The following CDS2 variants were observed in gnomAD, a reference collection of about 807,000 sequenced individuals.
CDS2 encodes phosphatidate cytidylyltransferase 2.
In CDS2, 47 loss-of-function variants were observed where a neutral mutation model predicts 59.0. That is an observed-to-expected ratio of 0.80 (90% CI 0.63 to 1.02). CDS2 has a LOEUF of 1.02. Among genes scored for constraint, CDS2 ranks in the 50% least tolerant of loss-of-function variants. The pLI is 0.00. For missense variants in CDS2, 356 were observed against 558.9 expected, an observed-to-expected ratio of 0.64 and a Z score of 3.66; for synonymous variants, 207 against 206.4, an observed-to-expected ratio of 1.00 and a Z score of -0.02.
At position 5,191,243 on chromosome 20, in the gene CDS2, C is replaced by T. The variant is rs552999815; in HGVS notation, c.*1009C>T. Reference sequence around the variant, plus strand: ...TACAGTGATTTCAATTGCACCATGACTTCTTCACTAAAACCACAAAGTCCT... The same window carrying T: ...TACAGTGATTTCAATTGCACCATGATTTCTTCACTAAAACCACAAAGTCCT... On this transcript the variant is annotated 3_prime_UTR_variant, in exon 13 of 13. Transcript: ENST00000460006. The T allele has an allele frequency of 3.3e-5, 5 of 152,514 alleles. No homozygotes were observed. Among genetic ancestry groups the T allele is most frequent in the Non-Finnish European group, 7.3e-5 (5 of 68,044 alleles). The allele number at this position is 152,514 out of a possible 1,614,324, so 9.4% of individuals were successfully genotyped here.
chr20:5,141,709 G>C (rs1234278496), intron 1 of CDS2, among the ~76,000 whole-genome samples: 2 of 152,124 alleles, frequency 1.3e-5, no homozygotes, highest in Admixed American at 6.5e-5. Flanking sequence ...GGAAAAGAGG[G>C]GGTGGTCATG....
intron 1 of CDS2, among the ~76,000 whole-genome samples, chr20:5,152,752 C>T (rs576889705): frequency 4.4e-4 from 67 of 152,280 alleles, no homozygotes; most frequent in Non-Finnish European, 8.4e-4. Flanking sequence ...CTCACACACA[C>T]GCACACACAC....
At chr20:5,189,945 A>G (rs2091100317) in intron 12 of CDS2, 107 bp downstream of exon 12, 1 of 1,322,266 alleles carries the variant, frequency 7.6e-7, no homozygotes, top group Non-Finnish European at 1.1e-6. Flanking sequence ...CAAATAATGC[A>G]GTTTTCAGTT....
intron 1 of CDS2, among the ~76,000 whole-genome samples, chr20:5,170,114 C>T (rs576652716): frequency 1.1e-4 from 17 of 152,166 alleles, no homozygotes; most frequent in Non-Finnish European, 2.1e-4. Context: ...GGGATTCCTT[C>T]GCCGCTGAAG....
In CDS2 at chr20:5,185,812, G is replaced by A. The variant is rs1369206983; in HGVS notation, c.814G>A (p.Val272Met). The A allele has an allele frequency of 6.2e-7, 1 of 1,614,114 alleles. No homozygotes were observed. The highest frequency in any genetic ancestry group is 1.3e-5 in the African/African-American group (1 of 74,952). Residue 272 changes from valine (V) to methionine (M), a missense_variant, in exon 9 of 13, where the codon GTG (valine) becomes ATG (methionine). Val to Met is a conservative substitution (Grantham distance 21, BLOSUM62 1). Around this residue, in one of 5 missense-constraint regions of CDS2, gnomAD observed 88 missense variants for 103.6 expected, o/e 0.85. Coordinates refer to ENST00000460006, the MANE Select transcript of CDS2 (RefSeq NM_003818.4). ...GFIGGFFATVVFGLLLSYVMS... is the reference protein window; with the variant it reads ...GFIGGFFATVMFGLLLSYVMS... ...CATTGGGGGCTTCTTTGCTACTGTG[G>A]TGTTTGGCCTTCTGGTAGGTGGTGG...
intron 2 of CDS2, among the ~76,000 whole-genome samples, chr20:5,174,886 A>T (rs2090983213): frequency 6.6e-6 from 1 of 152,224 alleles, no homozygotes; most frequent in African/African-American, 2.4e-5. Flanking sequence ...CCAAGTGGAT[A>T]CAGAAGCAGA....
chr20:5,179,823 C>G (rs16990713), intron 5 of CDS2, among the ~76,000 whole-genome samples: 17,413 of 152,190 alleles, frequency 0.11, 1,111 homozygotes, highest in Middle Eastern at 0.18. Flanking sequence ...AGTATACATT[C>G]AGGTAAGGCC....
intron 1 of CDS2, among the ~76,000 whole-genome samples, chr20:5,132,129 G>A (rs1173528147): frequency 6.7e-6 from 1 of 149,710 alleles, no homozygotes; most frequent in Admixed American, 6.7e-5. Flanking sequence ...ATGGAGTCTC[G>A]CTGTGCCACC....
rs141844692 is a variant in CDS2 at position 5,148,712 on chromosome 20, G to C, written c.57+21563G>C. Reference sequence around the variant, plus strand: ...GAGTAGAATCTCCCCCTACAATGCGGTTTGCACCGTGGTTGGGTCAATATC... The same window carrying C: ...GAGTAGAATCTCCCCCTACAATGCGCTTTGCACCGTGGTTGGGTCAATATC... On this transcript the variant is annotated intron_variant, in intron 1 of 12. Transcript: ENST00000460006. 2.2e-3 allele frequency among the ~76,000 whole-genome samples: 330 copies of C among 152,348 alleles called. 2 individuals are homozygous for C. The highest frequency in any genetic ancestry group is 3.5e-3 in the Non-Finnish European group (239 of 68,044).
At chr20:5,135,722 G>A (rs1459161001) in intron 1 of CDS2, among the ~76,000 whole-genome samples, 2 of 152,124 alleles carry the variant, frequency 1.3e-5, no homozygotes, top group Non-Finnish European at 2.9e-5. Context: ...GGATGGCATT[G>A]AGCCCACTAA....
chr20:5,171,068 A>G (rs1287457385), intron 1 of CDS2, among the ~76,000 whole-genome samples: 2 of 152,206 alleles, frequency 1.3e-5, no homozygotes, highest in Non-Finnish European at 2.9e-5. Flanking sequence ...ACAGTTCTCT[A>G]TCTCCTTTTA....
intron 3 of CDS2, 66 bp from the exon 4 acceptor site, chr20:5,176,581 AC>A: frequency 8.2e-7 from 1 of 1,220,136 alleles, no homozygotes; most frequent in Non-Finnish European, 1.2e-6. Flanking sequence ...AAGGCTCATG[AC>A]CTGTTGGTTT....
intron 1 of CDS2, among the ~76,000 whole-genome samples, chr20:5,145,232 A>AAAGACCCCC (rs1408990411): frequency 1.5e-4 from 18 of 119,716 alleles, no homozygotes; most frequent in African/African-American, 5.1e-4. Flanking sequence ...GGTAGAAAGG[A>AAAGACCCCC]AAGACCCCCC....
chr20:5,156,260 A>G (rs1156800489), intron 1 of CDS2, among the ~76,000 whole-genome samples: 2 of 152,078 alleles, frequency 1.3e-5, no homozygotes, highest in African/African-American at 2.4e-5. Flanking sequence ...AGGGTAGGGG[A>G]TTTGGCAACA....
intron 11 of CDS2, 138 bp from the exon 12 acceptor site, chr20:5,189,597 C>G: frequency 1.5e-6 from 1 of 672,260 alleles, no homozygotes; most frequent in Non-Finnish European, 2.7e-6. Flanking sequence ...TATAGCCTCA[C>G]CATTAGATTT....
intron 2 of CDS2, 73 bp from the exon 3 acceptor site, chr20:5,175,110 C>T: frequency 2.8e-6 from 3 of 1,063,670 alleles, no homozygotes; most frequent in Middle Eastern, 2.0e-4. Flanking sequence ...GATCCATATC[C>T]CTTGAGTTTG....
At chr20:5,174,015 G>A (rs974521780) in intron 2 of CDS2, among the ~76,000 whole-genome samples, 10 of 152,216 alleles carry the variant, frequency 6.6e-5, no homozygotes, top group African/African-American at 2.4e-4. Context: ...TGCGATTAAT[G>A]GGCAGGCTGC....
chr20:5,176,025 A>G (rs2090992471), intron 3 of CDS2: 1 of 153,494 alleles, frequency 6.5e-6, no homozygotes, highest in African/African-American at 2.4e-5. Flanking sequence ...TTGACTTTGA[A>G]TACTTGAGAC....
intron 1 of CDS2, among the ~76,000 whole-genome samples, chr20:5,170,264 A>G (rs1283195993): frequency 6.6e-6 from 1 of 152,120 alleles, no homozygotes. Context: ...AGAGGAGCAA[A>G]CTGATGAATG....
Sources: gnomAD v4.1 joint callset for allele counts (sites outside exome capture counted in the v4.1 genomes callset) on GRCh38, gnomAD v4.1.1 for gene constraint, gnomAD v4.1.1 regional missense constraint, MANE v1.5 for transcripts, NCBI Gene and HGNC (gene_info 2026-07-23, HGNC 2026-07-21) for gene names.